Variants in HYCC2 observed in about 807,000 individuals in gnomAD.
HYCC2 encodes hyccin PI4KA lipid kinase complex subunit 2.
chr2:201,029,460 C>A, the HYCC2 span, among the ~76,000 whole-genome samples: 2 of 152,152 alleles, frequency 1.3e-5, no homozygotes, highest in African/African-American at 2.4e-5. Context: ...AATCATGCTA[C>A]TATAAAGACA....
At chr2:201,032,383 A>G in the HYCC2 span, among the ~76,000 whole-genome samples, 1 of 152,038 alleles carries the variant, frequency 6.6e-6, no homozygotes, top group African/African-American at 2.4e-5. Flanking sequence ...TGAATATTAG[A>G]CTTTTGATAA....
At chr2:200,993,135 C>T in the HYCC2 span, 7 of 616,616 alleles carry the variant, frequency 1.1e-5, 1 homozygote, top group South Asian at 8.7e-5. Context: ...TACCAGTCAT[C>T]GTTCTGGGCC....
chr2:200,995,634 C>T, the HYCC2 span, among the ~76,000 whole-genome samples: 1 of 152,204 alleles, frequency 6.6e-6, no homozygotes, highest in Non-Finnish European at 1.5e-5. Flanking sequence ...CTACAAAAAA[C>T]TGAAGCCCTC....
chr2:201,022,977 G>T, the HYCC2 span: 1 of 1,284,064 alleles, frequency 7.8e-7, no homozygotes, highest in Non-Finnish European at 1.1e-6. Flanking sequence ...CATTTGAGAA[G>T]CAAGGAACTT....
chr2:200,978,122 TCTGTAACAGC>T, the HYCC2 span: 1 of 152,208 alleles, frequency 6.6e-6, no homozygotes, highest in Non-Finnish European at 1.5e-5. Flanking sequence ...CTGGCATATA[TCTGTAACAGC>T]TGTTGTATAC....
the HYCC2 span, chr2:200,988,345 A>T: frequency 6.2e-7 from 1 of 1,613,856 alleles, no homozygotes; most frequent in Non-Finnish European, 8.5e-7. Flanking sequence ...AGTGACTTCA[A>T]CTTTAAGGAC....
At chr2:200,991,583 G>GA in the HYCC2 span, among the ~76,000 whole-genome samples, 2 of 143,716 alleles carry the variant, frequency 1.4e-5, no homozygotes, top group African/African-American at 2.5e-5. Context: ...AAAAAAAAAA[G>GA]AAAAAATCAC....
At chr2:200,986,577 G>T in the HYCC2 span, among the ~76,000 whole-genome samples, 1 of 152,156 alleles carries the variant, frequency 6.6e-6, no homozygotes, top group South Asian at 2.1e-4. Flanking sequence ...GGGGGTTCGG[G>T]GGGGAAGGGT....
the HYCC2 span, among the ~76,000 whole-genome samples, chr2:200,991,148 G>A: frequency 4.6e-5 from 7 of 152,328 alleles, no homozygotes; most frequent in South Asian, 1.4e-3. Context: ...CTCAGTTTGT[G>A]CCCTGCATAT....
chr2:200,994,573 T>A, the HYCC2 span, among the ~76,000 whole-genome samples: 1 of 152,214 alleles, frequency 6.6e-6, no homozygotes, highest in African/African-American at 2.4e-5. Context: ...TAAGATAGGA[T>A]GAAAATTTTT....
the HYCC2 span, among the ~76,000 whole-genome samples, chr2:201,036,922 A>C: frequency 2.0e-5 from 3 of 152,192 alleles, no homozygotes; most frequent in Non-Finnish European, 4.4e-5. Flanking sequence ...AAAGAAATAA[A>C]GGGTATTCAA....
the HYCC2 span, among the ~76,000 whole-genome samples, chr2:201,020,935 T>C: frequency 1.3e-5 from 2 of 152,034 alleles, no homozygotes; most frequent in African/African-American, 2.4e-5. Flanking sequence ...ACCCAGCTAA[T>C]TTTTGGTATT....
the HYCC2 span, chr2:201,022,023 C>T: frequency 1.6e-6 from 2 of 1,240,534 alleles, no homozygotes; most frequent in Non-Finnish European, 2.1e-6. Context: ...AATGAAGATG[C>T]ACTTTAAGTT....
At chr2:200,989,639 C>G in the HYCC2 span, among the ~76,000 whole-genome samples, 48 of 152,002 alleles carry the variant, frequency 3.2e-4, no homozygotes, top group African/African-American at 1.1e-3. Context: ...ATGGTGAGAT[C>G]TCGTCTCCAC....
the HYCC2 span, among the ~76,000 whole-genome samples, chr2:201,000,836 AG>A: frequency 0.052 from 7,883 of 152,172 alleles, 470 homozygotes; most frequent in African/African-American, 0.14. Flanking sequence ...TGGTATTAAG[AG>A]GGTGGGGCCT....
the HYCC2 span, among the ~76,000 whole-genome samples, chr2:200,984,613 G>A: frequency 2.6e-5 from 4 of 152,204 alleles, no homozygotes; most frequent in African/African-American, 9.6e-5. Context: ...GGTGGGGTAT[G>A]GTGGCTTACG....
the HYCC2 span, among the ~76,000 whole-genome samples, chr2:201,059,094 T>C: frequency 6.6e-6 from 1 of 152,204 alleles, no homozygotes; most frequent in Admixed American, 6.5e-5. Context: ...ACTGCTACTA[T>C]GTTATCTCTG....
chr2:201,069,521 G>C, the HYCC2 span, among the ~76,000 whole-genome samples: 2 of 149,622 alleles, frequency 1.3e-5, no homozygotes, highest in Admixed American at 6.7e-5. Flanking sequence ...GACAGCTCTA[G>C]TAGGCTGGTT....
the HYCC2 span, among the ~76,000 whole-genome samples, chr2:201,004,698 G>A: frequency 3.9e-5 from 6 of 152,228 alleles, no homozygotes; most frequent in African/African-American, 1.2e-4. Context: ...TACATTTTTG[G>A]AGCAAGAAAC....
Sources: gnomAD v4.1 joint callset for allele counts (sites outside exome capture counted in the v4.1 genomes callset) on GRCh38, gnomAD v4.1.1 for gene constraint, MANE v1.5 for transcripts, NCBI Gene and HGNC (gene_info 2026-07-23, HGNC 2026-07-21) for gene names.